SYNE1: variants seen among roughly 807,000 people sequenced by gnomAD.
SYNE1 encodes spectrin repeat containing nuclear envelope protein 1.
In SYNE1, 616 loss-of-function variants were observed where a neutral mutation model predicts 1,111.0. The ratio of observed to expected loss-of-function variants is 0.55; its 90% CI spans 0.52 to 0.59. The LOEUF is 0.59. Among genes scored for constraint, SYNE1 ranks in the 20% least tolerant of loss-of-function variants. SYNE1 has a pLI of 0.00. For missense variants in SYNE1, 10,006 were observed against 10,417.0 expected (o/e 0.96, Z 1.72); for synonymous variants, 3,855 against 3,825.8 (o/e 1.01, Z -0.28).
intron 58 of SYNE1, among the ~76,000 whole-genome samples, chr6:152,373,546 C>T (rs546669906): frequency 1.3e-5 from 2 of 152,220 alleles, no homozygotes; most frequent in South Asian, 2.1e-4. Context: ...TCCCAAAGTG[C>T]TGGGATTACA....
intron 3 of SYNE1, among the ~76,000 whole-genome samples, chr6:152,599,300 C>T (rs983000737): frequency 6.6e-6 from 1 of 152,180 alleles, no homozygotes; most frequent in Non-Finnish European, 1.5e-5. Flanking sequence ...AGGAAGAATG[C>T]TCTTTGTGCA....
chr6:152,430,574 C>G lies in SYNE1; in HGVS notation c.4597G>C (p.Gly1533Arg), dbSNP rs573641821. The G allele has an allele frequency of 1.2e-6, 2 of 1,614,092 alleles. No homozygotes were observed. The highest frequency in any genetic ancestry group is 1.7e-6 in the Non-Finnish European group (2 of 1,180,000). The change falls in exon 35 of 146, where the codon GGG (glycine) becomes CGG (arginine). Residue 1533 changes from glycine to arginine, a missense_variant. Gly to Arg is a moderately radical substitution (Grantham distance 125). Coordinates refer to ENST00000367255, the MANE Select transcript of SYNE1 (RefSeq NM_182961.4). ...TGTGCATGCTCTCGAAGCTCTTCCC[C>G]GTATCTTCTTATTTGTGTCAACTTG... Reference protein sequence around the residue: ...KAKLTQIRRYGEELREHAQCL... With the variant: ...KAKLTQIRRYREELREHAQCL...
intron 4 of SYNE1, among the ~76,000 whole-genome samples, chr6:152,528,864 A>G (rs1274549009): frequency 6.6e-6 from 1 of 152,208 alleles, no homozygotes; most frequent in Non-Finnish European, 1.5e-5. Flanking sequence ...AATATGAATT[A>G]CATTTATGGG....
intron 5 of SYNE1, among the ~76,000 whole-genome samples, chr6:152,523,815 G>T (rs2099151667): frequency 6.6e-6 from 1 of 151,990 alleles, no homozygotes; most frequent in Non-Finnish European, 1.5e-5. Context: ...TATTGTAAAA[G>T]GAATTGAATT....
At chr6:152,564,969 T>C (rs902979546) in intron 3 of SYNE1, among the ~76,000 whole-genome samples, 8 of 152,244 alleles carry the variant, frequency 5.3e-5, no homozygotes, top group Non-Finnish European at 1.2e-4. Context: ...ACTTATCACA[T>C]AGTATTCATT....
At chr6:152,477,132 AT>A (rs749386909) in intron 14 of SYNE1, among the ~76,000 whole-genome samples, 5 of 152,186 alleles carry the variant, frequency 3.3e-5, no homozygotes, top group Non-Finnish European at 7.3e-5. Flanking sequence ...TATTGACCCA[AT>A]TGCAATTTTG....
intron 126 of SYNE1, 60 bp downstream of exon 126, chr6:152,206,108 G>A: frequency 6.8e-7 from 1 of 1,467,414 alleles, no homozygotes; most frequent in Non-Finnish European, 9.5e-7. Flanking sequence ...ATAACAATGG[G>A]AGGAAGTAGT....
intron 122 of SYNE1, 31 bp from the exon 123 acceptor site, chr6:152,213,790 T>C: frequency 6.2e-7 from 1 of 1,613,842 alleles, no homozygotes; most frequent in South Asian, 1.1e-5. Context: ...GAACAATGGT[T>C]ATTTCACTGC....
intron 28 of SYNE1, 150 bp from the exon 29 acceptor site, chr6:152,447,772 T>A: frequency 2.2e-6 from 2 of 892,346 alleles, no homozygotes; most frequent in Non-Finnish European, 3.5e-6. Flanking sequence ...AGTTTACTTT[T>A]TGTATGTACT....
intron 45 of SYNE1, chr6:152,404,705 G>A: frequency 4.5e-6 from 1 of 220,892 alleles, no homozygotes; most frequent in South Asian, 7.4e-5. Context: ...GCATTTCAAA[G>A]CAAGTACACA....
At chr6:152,253,489 T>G (rs1014693674) in intron 104 of SYNE1, among the ~76,000 whole-genome samples, 1 of 152,164 alleles carries the variant, frequency 6.6e-6, no homozygotes, top group Non-Finnish European at 1.5e-5. Context: ...GATACCAAGG[T>G]TCATGGAAGT....
intron 69 of SYNE1, 77 bp from the exon 70 acceptor site, chr6:152,352,430 T>A: frequency 6.9e-7 from 1 of 1,454,336 alleles, no homozygotes; most frequent in Non-Finnish European, 9.3e-7. Context: ...TGAGATGGAG[T>A]TTCACTTTGT....
intron 128 of SYNE1, among the ~76,000 whole-genome samples, chr6:152,188,957 CAAAAAAAAA>C (rs1159424311): frequency 5.5e-4 from 27 of 49,068 alleles, no homozygotes; most frequent in Admixed American, 8.9e-4. Context: ...GACTCTGTCT[CAAAAAAAAA>C]AAAAAAAAAA....
chr6:152,606,832 T>A (rs1212186619), intron 3 of SYNE1, among the ~76,000 whole-genome samples: 1 of 148,282 alleles, frequency 6.7e-6, no homozygotes, highest in Non-Finnish European at 1.5e-5. Flanking sequence ...TTTTATATAT[T>A]TTTAGTAGAG....
chr6:152,367,259 A>T lies in SYNE1; in HGVS notation c.9931T>A (p.Ser3311Thr). 1 of 1,614,228 alleles carries T rather than the reference A, an allele frequency of 6.2e-7. No individual in the cohort carries two copies. Among genetic ancestry groups the T allele is most frequent in the Non-Finnish European group, 8.5e-7 (1 of 1,180,036 alleles). Reference sequence around the variant, plus strand: ...CTGCTGTCCAGCACACTTTTGTCGGATGTCGGGTGGCAGTATGAATCCAGC... The same window carrying T: ...CTGCTGTCCAGCACACTTTTGTCGGTTGTCGGGTGGCAGTATGAATCCAGC... ...HMLDSYCHPT[S>T]DKSVLDSRTL... is the part of the protein sequence containing the mutation. Residue 3311 changes from serine to threonine, a missense_variant, in exon 62 of 146, where the codon TCC becomes ACC. Around this residue, in one of 7 missense-constraint regions of SYNE1, gnomAD observed 4,955 missense variants for 5,017.2 expected, o/e 0.99. Coordinates refer to ENST00000367255, the MANE Select transcript of SYNE1 (RefSeq NM_182961.4).
At chr6:152,155,386 C>T (rs192075866) in intron 132 of SYNE1, 245 of 326,372 alleles carry the variant, frequency 7.5e-4, no homozygotes, top group South Asian at 1.1e-3. Flanking sequence ...CAGTGTCTTA[C>T]GGAAATAAAG....
intron 75 of SYNE1, among the ~76,000 whole-genome samples, chr6:152,337,989 A>G (rs1336859136): frequency 2.0e-5 from 3 of 152,058 alleles, no homozygotes; most frequent in African/African-American, 7.2e-5. Flanking sequence ...CTCTACTAAA[A>G]TACCAAAAAG....
rs554566475 is a variant in SYNE1 at position 152,318,066 on chromosome 6, G to T, written c.16572+15C>A. 1 of 1,614,118 alleles carries T rather than the reference G, an allele frequency of 6.2e-7. No individual in the cohort carries two copies. The highest frequency in any genetic ancestry group is 1.7e-5 in the Admixed American group (1 of 60,002). ...CTGCCTTACACGATTTGGATTTCTG[G>T]CCCGGAACACATACCTGATTGAGCT... On this transcript the variant is annotated intron_variant, in intron 86 of 145. Transcript: ENST00000367255.
At position 152,230,572 on chromosome 6, in the gene SYNE1, A is replaced by C; in HGVS notation, c.21170T>G (p.Val7057Gly). The change falls in exon 115 of 146, where the codon GTT (valine) becomes GGT (glycine). Residue 7057 changes from valine (V) to glycine (G), a missense_variant. Coordinates refer to ENST00000367255, the MANE Select transcript of SYNE1 (RefSeq NM_182961.4). ...QQHRIGDQAS[V>G]QNALKDCQDL... ...CTGACAGTCTTTCAGTGCATTTTGA[A>C]CAGAAGCCTGATCTCCAATTCGATG... 1.2e-6 allele frequency: 2 copies of C among 1,614,136 alleles called. No individual in the cohort carries two copies. The highest frequency in any genetic ancestry group is 8.5e-7 in the Non-Finnish European group (1 of 1,180,010).
Sources: allele counts gnomAD v4.1 joint callset (sites outside exome capture counted in the v4.1 genomes callset), GRCh38; gene constraint gnomAD v4.1.1; regional missense constraint gnomAD v4.1.1; transcripts MANE v1.5; gene names NCBI Gene and HGNC (gene_info 2026-07-23, HGNC 2026-07-21).